The following INO80D variants were observed in gnomAD, a reference collection of about 807,000 sequenced individuals.
The protein encoded by INO80D is INO80 complex subunit D.
Under a neutral mutation model 87.6 loss-of-function variants are expected in INO80D, and 21 were observed. That is an observed-to-expected ratio of 0.24 (90% confidence interval 0.17 to 0.35). INO80D has a LOEUF of 0.35. Ranked by LOEUF, INO80D falls within the 10% of genes least tolerant of loss-of-function variation. The pLI, the probability that INO80D is intolerant of heterozygous loss-of-function variation, is 1.00. For synonymous variants in INO80D, 440 were observed against 491.0 expected, an observed-to-expected ratio of 0.90 and a Z score of 1.37; for missense variants, 982 against 1,280.7, an observed-to-expected ratio of 0.77 and a Z score of 3.56.
At chr2:206,054,771 C>T (rs1390577664) in intron 4 of INO80D, among the ~76,000 whole-genome samples, 1 of 152,184 alleles carries the variant, frequency 6.6e-6, no homozygotes, top group African/African-American at 2.4e-5. Context: ...ACCTCAGCCT[C>T]CCAAAGTGCT....
intron 5 of INO80D, among the ~76,000 whole-genome samples, chr2:206,042,922 T>C (rs1689092485): frequency 2.0e-5 from 3 of 152,110 alleles, no homozygotes; most frequent in Non-Finnish European, 4.4e-5. Context: ...CAGTGAACTA[T>C]GATCTCACCA....
intron 1 of INO80D, among the ~76,000 whole-genome samples, chr2:206,080,411 T>C (rs1224920507): frequency 6.6e-6 from 1 of 152,218 alleles, no homozygotes; most frequent in African/African-American, 2.4e-5. Flanking sequence ...TATACCTTTA[T>C]ATTGGCCAAT....
chr2:206,072,663 T>C (rs1575885337), intron 1 of INO80D, among the ~76,000 whole-genome samples: 1 of 152,244 alleles, frequency 6.6e-6, no homozygotes, highest in East Asian at 1.9e-4. Context: ...ATTTTTAAAG[T>C]TGGTTTGGAG....
chr2:206,069,281 A>G (rs1436077152), intron 1 of INO80D, among the ~76,000 whole-genome samples: 1 of 152,088 alleles, frequency 6.6e-6, no homozygotes, highest in African/African-American at 2.4e-5. Context: ...CTTCCACTTA[A>G]TACTAAATAT....
intron 5 of INO80D, among the ~76,000 whole-genome samples, chr2:206,037,656 AT>A (rs1218241448): frequency 6.6e-6 from 1 of 152,214 alleles, no homozygotes; most frequent in African/African-American, 2.4e-5. Context: ...GGAAAACAGT[AT>A]AAAGATTTCT....
chr2:206,007,510 T>A, intron 9 of INO80D, 69 bp from the exon 10 acceptor site: 1 of 1,505,700 alleles, frequency 6.6e-7, no homozygotes, highest in Non-Finnish European at 8.9e-7. Flanking sequence ...CCAAGCCAAG[T>A]TCATTCAACA....
At chr2:206,020,469 C>T (rs817999) in intron 6 of INO80D, among the ~76,000 whole-genome samples, 2 of 151,902 alleles carry the variant, frequency 1.3e-5, no homozygotes, top group Non-Finnish European at 2.9e-5. Flanking sequence ...TGCAAAAAAA[C>T]TCTTCATCTC....
intron 6 of INO80D, among the ~76,000 whole-genome samples, chr2:206,027,491 G>A (rs936632940): frequency 3.1e-4 from 47 of 152,158 alleles, no homozygotes; most frequent in African/African-American, 1.0e-3. Context: ...TTCAGGCCAG[G>A]AGTTTGAGAC....
chr2:206,080,293 G>A (rs1690239428), intron 1 of INO80D, among the ~76,000 whole-genome samples: 1 of 152,132 alleles, frequency 6.6e-6, no homozygotes. Context: ...TCAAAACCAT[G>A]CAACACTACC....
At chr2:206,057,571 C>T (rs959409084) in intron 3 of INO80D, among the ~76,000 whole-genome samples, 1 of 152,036 alleles carries the variant, frequency 6.6e-6, no homozygotes, top group Non-Finnish European at 1.5e-5. Context: ...TAAAATAATT[C>T]CCTTAATGCA....
intron 1 of INO80D, among the ~76,000 whole-genome samples, chr2:206,084,240 TACACAC>T (rs111836331): frequency 0.039 from 5,308 of 135,052 alleles, 296 homozygotes; most frequent in African/African-American, 0.14. Flanking sequence ...ATGTTATACA[TACACAC>T]ACACACACAC....
rs1042947933 is a variant in INO80D at position 205,998,540 on chromosome 2, T to C, written c.*5828A>G. 1.3e-5 allele frequency: 2 copies of C among 151,548 alleles called. No individual in the cohort carries two copies. Among genetic ancestry groups the C allele is most frequent in the Non-Finnish European group, 1.5e-5 (1 of 67,912 alleles). The allele number at this position is 151,548 out of a possible 1,614,324, so 9.4% of individuals were successfully genotyped here. ...CATTACACTCGATACAGCTTTAGTA[T>C]AAAACTTATAATTTATGAGGTGATG... On this transcript the variant is annotated 3_prime_UTR_variant, in exon 11 of 11. Coordinates refer to ENST00000403263, the MANE Select transcript of INO80D (RefSeq NM_017759.5).
intron 7 of INO80D, among the ~76,000 whole-genome samples, chr2:206,018,737 C>CA (rs1170147752): frequency 1.3e-5 from 2 of 151,912 alleles, no homozygotes; most frequent in Admixed American, 6.6e-5. Context: ...GCCTGGGCAA[C>CA]AAAAAAGTAC....
rs943474473 is a variant in INO80D at position 206,000,461 on chromosome 2, T to C, written c.*3907A>G. The C allele has an allele frequency of 2.0e-5, 3 of 150,486 alleles. No homozygotes were observed. The highest frequency in any genetic ancestry group is 7.4e-5 in the African/African-American group (3 of 40,816). The allele number at this position is 150,486 out of a possible 1,614,324, so 9.3% of individuals were successfully genotyped here. A position where few individuals can be genotyped will look rare whatever the true frequency, so the allele number is the denominator to read the frequency against. On this transcript the variant is annotated 3_prime_UTR_variant, in exon 11 of 11. Coordinates refer to ENST00000403263, the MANE Select transcript of INO80D (RefSeq NM_017759.5). ...GACTGACCACACGGCATTTACTAGA[T>C]ATGCTCAAATTCTAATCCCACTTTA... is the stretch of plus-strand genomic sequence containing the variant.
chr2:206,007,514 T>C (rs1688057622), intron 9 of INO80D, 73 bp from the exon 10 acceptor site: 2 of 1,500,666 alleles, frequency 1.3e-6, no homozygotes, highest in Admixed American at 2.3e-5. Flanking sequence ...GCCAAGTTCA[T>C]TCAACATGAA....
At chr2:206,031,523 C>T (rs571176090) in intron 5 of INO80D, among the ~76,000 whole-genome samples, 13 of 152,238 alleles carry the variant, frequency 8.5e-5, no homozygotes, top group Admixed American at 1.3e-4. Context: ...CTATCACCAC[C>T]TCAGTGTCCC....
At chr2:206,041,064 C>T (rs1014227488) in intron 5 of INO80D, among the ~76,000 whole-genome samples, 5 of 152,018 alleles carry the variant, frequency 3.3e-5, no homozygotes, top group African/African-American at 1.2e-4. Context: ...ATGATATAAA[C>T]CCTACAACAG....
At position 206,002,249 on chromosome 2, in the gene INO80D, C is replaced by T. The variant is rs191656384; in HGVS notation, c.*2119G>A. The T allele has an allele frequency of 3.3e-5, 5 of 152,182 alleles. No individual in the cohort carries two copies. The highest frequency in any genetic ancestry group is 3.8e-4 in the East Asian group (2 of 5,196). 9.4% of individuals were successfully genotyped at this position (152,182 alleles called of 1,614,324 possible). On this transcript the variant is annotated 3_prime_UTR_variant, in exon 11 of 11. Transcript: ENST00000403263. ...ACATTTTTGAGCCGAGGTAACTACT[C>T]GTGACCACTTCATTACAGTACATTA...
intron 6 of INO80D, among the ~76,000 whole-genome samples, chr2:206,023,987 G>T (rs1322333946): frequency 1.3e-5 from 2 of 152,136 alleles, no homozygotes; most frequent in African/African-American, 4.8e-5. Flanking sequence ...CAAACTCATT[G>T]TATAGTCTTT....
Sources: allele counts gnomAD v4.1 joint callset (sites outside exome capture counted in the v4.1 genomes callset), GRCh38; gene constraint gnomAD v4.1.1; transcripts MANE v1.5; gene names NCBI Gene and HGNC (gene_info 2026-07-23, HGNC 2026-07-21).